The following FAM153A variants were observed in gnomAD, a reference collection of about 807,000 sequenced individuals.
The protein encoded by FAM153A is family with sequence similarity 153 member A, also known as protein FAM153A.
In FAM153A, 12 loss-of-function variants were observed where a neutral mutation model predicts 48.1. That is an observed-to-expected ratio of 0.25 (90% CI 0.16 to 0.40). The LOEUF is 0.40. Among genes scored for constraint, FAM153A ranks in the 10% least tolerant of loss-of-function variants. The pLI, the probability that FAM153A is intolerant of heterozygous loss-of-function variation, is 1.00. For missense variants in FAM153A, 111 were observed against 345.8 expected (o/e 0.32, Z 5.38); for synonymous variants, 36 against 118.2 (o/e 0.30, Z 4.51).
At chr5:177,761,099 G>C (rs1768271444) in intron 1 of FAM153A, among the ~76,000 whole-genome samples, 2 of 150,632 alleles carry the variant, frequency 1.3e-5, no homozygotes, top group South Asian at 4.2e-4. Flanking sequence ...ATCATGCACA[G>C]GTCTGCAGAG....
At chr5:177,734,916 G>A (rs745806831) in exon 13 of FAM153A, 8 of 1,540,426 alleles carry the variant, frequency 5.2e-6, no homozygotes, top group Admixed American at 3.5e-5. Flanking sequence ...AGCTCCTGAA[G>A]TACATCCCTG....
intron 24 of FAM153A, chr5:177,716,419 T>C (rs1280619755): frequency 2.6e-5 from 4 of 151,900 alleles, no homozygotes; most frequent in Non-Finnish European, 5.9e-5. Context: ...GTAGGTGCTG[T>C]GATTCAATAA....
downstream of FAM153A, among the ~76,000 whole-genome samples, chr5:177,709,093 CAAAAAAAAAAAAAAAAAAAAAAAA>C (rs56257501): frequency 2.6e-4 from 9 of 34,106 alleles, no homozygotes; most frequent in East Asian, 1.6e-3. Context: ...GACTCCGTCT[CAAAAAAAAAAAAAAAAAAAAAAAA>C]AAAAAAAAAA....
chr5:177,735,044 C>T, intron 12 of FAM153A, 111 bp from the exon 15 acceptor site: 1 of 681,324 alleles, frequency 1.5e-6, no homozygotes, highest in South Asian at 1.9e-5. Context: ...AGGAGAGATG[C>T]AGGAAGAAAG....
chr5:177,702,017 C>T, the FAM153A span, among the ~76,000 whole-genome samples: 10 of 151,710 alleles, frequency 6.6e-5, no homozygotes, highest in South Asian at 2.1e-4. Context: ...ACGCCATTCT[C>T]CTGCCTCAGC....
chr5:177,694,349 T>C, the FAM153A span, among the ~76,000 whole-genome samples: 10,323 of 133,842 alleles, frequency 0.077, 480 homozygotes, highest in Non-Finnish European at 0.084. Flanking sequence ...GCTCAGATGT[T>C]GGCCACCAAG....
chr5:177,738,492 C>T (rs1365695420), intron 10 of FAM153A, among the ~76,000 whole-genome samples: 2 of 151,392 alleles, frequency 1.3e-5, no homozygotes, highest in Non-Finnish European at 2.9e-5. Flanking sequence ...CTTCCATATG[C>T]ACACATAGGT....
rs904707 is a variant in FAM153A at position 177,740,689 on chromosome 5, A to G, written c.466+88T>C. On this transcript the variant is annotated intron_variant, in intron 8 of 20. Transcript: ENST00000614127. ...CAAACCACCATGACACATTTATACCAATGTAACAAAGCTGCATGTTCTACA... is the reference window on the plus strand; with the variant it reads ...CAAACCACCATGACACATTTATACCGATGTAACAAAGCTGCATGTTCTACA... 7.4e-4 allele frequency: 660 copies of G among 894,052 alleles called. 14 individuals carry two copies. In the African/African-American group the frequency reaches 0.011, roughly 14 times the overall value. 55.4% of individuals were successfully genotyped at this position (894,052 alleles called of 1,614,324 possible).
chr5:177,702,264 C>A, the FAM153A span, among the ~76,000 whole-genome samples: 518 of 151,780 alleles, frequency 3.4e-3, 3 homozygotes, highest in Non-Finnish European at 3.7e-3. Context: ...TGCGTTGTGC[C>A]CCTGCCATAG....
chr5:177,752,771 T>TA (rs1767157226), intron 1 of FAM153A, among the ~76,000 whole-genome samples: 1 of 131,050 alleles, frequency 7.6e-6, no homozygotes, highest in Non-Finnish European at 1.6e-5. Context: ...CTACTAAACA[T>TA]ACGAAAATTA....
At chr5:177,759,731 A>G (rs1413211156) in intron 1 of FAM153A, among the ~76,000 whole-genome samples, 2 of 150,856 alleles carry the variant, frequency 1.3e-5, no homozygotes, top group Non-Finnish European at 2.9e-5. Flanking sequence ...ACCAAATACC[A>G]CATGTTCTCA....
At chr5:177,698,976 A>AT in the FAM153A span, among the ~76,000 whole-genome samples, 2 of 150,920 alleles carry the variant, frequency 1.3e-5, no homozygotes, top group African/African-American at 2.5e-5. Flanking sequence ...AATTTAAACA[A>AT]TTTTTTTAGA....
chr5:177,695,934 C>T, the FAM153A span, among the ~76,000 whole-genome samples: 1 of 90,972 alleles, frequency 1.1e-5, no homozygotes, highest in African/African-American at 3.6e-5. Context: ...CAGGGGCACT[C>T]CCCACTTCCC....
intron 14 of FAM153A, among the ~76,000 whole-genome samples, chr5:177,732,772 AG>A (rs1485405097): frequency 7.7e-6 from 1 of 129,740 alleles, no homozygotes; most frequent in Non-Finnish European, 1.6e-5. Flanking sequence ...GGCCTCCCAA[AG>A]TGCTGGGGTT....
At chr5:177,745,103 TG>T in intron 4 of FAM153A, 136 bp from the exon 7 acceptor site, 1 of 235,934 alleles carries the variant, frequency 4.2e-6, no homozygotes. Context: ...TCAGGGCCTT[TG>T]GCTTCCTAGC....
At chr5:177,719,587 T>TC (rs1343090215), downstream of FAM153A, among the ~76,000 whole-genome samples, 3 of 142,020 alleles carry the variant, frequency 2.1e-5, no homozygotes, top group African/African-American at 5.5e-5. Context: ...TATTTTTTTT[T>TC]CGAGGTGGAG....
At chr5:177,696,396 C>T in the FAM153A span, among the ~76,000 whole-genome samples, 1 of 151,856 alleles carries the variant, frequency 6.6e-6, no homozygotes, top group Non-Finnish European at 1.5e-5. Context: ...CAGAGACGCT[C>T]CTCACTTCCC....
upstream of FAM153A, among the ~76,000 whole-genome samples, chr5:177,781,990 A>G (rs1769726074): frequency 9.8e-6 from 1 of 102,000 alleles, no homozygotes; most frequent in African/African-American, 3.6e-5. Flanking sequence ...CGGCCTCCCA[A>G]AGTGCTGGGA....
upstream of FAM153A, among the ~76,000 whole-genome samples, chr5:177,756,281 GCTAA>G (rs1182534472): frequency 6.7e-6 from 1 of 148,866 alleles, no homozygotes; most frequent in East Asian, 1.9e-4. Context: ...AACAAGAACA[GCTAA>G]CTAACCTAAA....
Sources: gnomAD v4.1 joint callset for allele counts (sites outside exome capture counted in the v4.1 genomes callset) on GRCh38, gnomAD v4.1.1 for gene constraint, MANE v1.5 for transcripts, NCBI Gene and HGNC (gene_info 2026-07-23, HGNC 2026-07-21) for gene names.